Variants in ELL observed in about 807,000 individuals in gnomAD.
ELL encodes the protein elongation factor for RNA polymerase II.
A neutral mutation model predicts 64.0 loss-of-function variants in ELL; 18 were observed. The observed-to-expected ratio is 0.28, with a 90% CI of 0.19 to 0.42. The LOEUF (loss-of-function observed/expected upper bound fraction) is 0.42, where lower values mean the gene tolerates loss of function less well. Among genes scored for constraint, ELL ranks in the 10% least tolerant of loss-of-function variants. The probability of loss-of-function intolerance (pLI) is 1.00; values close to 1 mark genes in which losing one functional copy is unlikely to be tolerated. For synonymous variants in ELL, 399 were observed against 376.2 expected (o/e 1.06, Z -0.70); for missense variants, 797 against 870.4 (o/e 0.92, Z 1.06).
At chr19:18,466,108 G>A (rs969864036) in intron 2 of ELL, among the ~76,000 whole-genome samples, 190 bp from the exon 3 acceptor site, 10 of 152,212 alleles carry the variant, frequency 6.6e-5, no homozygotes, top group Non-Finnish European at 1.2e-4. Flanking sequence ...CACACACTGC[G>A]TAGAGAGGGG....
chr19:18,477,417 G>C (rs1419766694), intron 1 of ELL, among the ~76,000 whole-genome samples: 1 of 152,190 alleles, frequency 6.6e-6, no homozygotes, highest in Admixed American at 6.5e-5. Context: ...CGGGGGATCT[G>C]AGAAAAGAGT....
intron 1 of ELL, among the ~76,000 whole-genome samples, chr19:18,496,800 A>G (rs796869424): frequency 2.0e-5 from 3 of 152,358 alleles, no homozygotes; most frequent in African/African-American, 7.2e-5. Context: ...GGCAAACATC[A>G]CTTCAATAAT....
At chr19:18,469,931 G>A (rs566655963) in intron 2 of ELL, among the ~76,000 whole-genome samples, 3 of 152,228 alleles carry the variant, frequency 2.0e-5, no homozygotes, top group South Asian at 2.1e-4. Context: ...TCCAGGGGGC[G>A]TTCCGACAAC....
intron 1 of ELL, among the ~76,000 whole-genome samples, chr19:18,484,403 T>C (rs1359611824): frequency 6.6e-6 from 1 of 152,118 alleles, no homozygotes; most frequent in Admixed American, 6.6e-5. Context: ...AGGGGGAGGT[T>C]GCAGTGAGCC....
intron 5 of ELL, among the ~76,000 whole-genome samples, chr19:18,460,064 G>C (rs1173377551): frequency 6.6e-6 from 1 of 152,146 alleles, no homozygotes; most frequent in Non-Finnish European, 1.5e-5. Flanking sequence ...ATAGGCTTGC[G>C]GGTTTCCCTG....
At chr19:18,451,699 G>GC in intron 6 of ELL, 51 bp from the exon 7 acceptor site, 2 of 1,409,640 alleles carry the variant, frequency 1.4e-6, no homozygotes, top group Non-Finnish European at 9.2e-7. Flanking sequence ...GGGCCTAGGG[G>GC]CCCCAGGCCT....
intron 1 of ELL, among the ~76,000 whole-genome samples, chr19:18,485,689 G>A (rs922499693): frequency 2.0e-5 from 3 of 152,134 alleles, no homozygotes; most frequent in Non-Finnish European, 2.9e-5. Context: ...ACAGTCACTG[G>A]GAAAGCTACG....
chr19:18,513,116 G>A (rs1976061747), intron 1 of ELL, among the ~76,000 whole-genome samples: 1 of 152,164 alleles, frequency 6.6e-6, no homozygotes, highest in South Asian at 2.1e-4. Context: ...TGTCCAAAGA[G>A]GAGCAAGCCA....
chr19:18,509,944 T>A (rs2144975043), intron 1 of ELL, among the ~76,000 whole-genome samples: 1 of 152,322 alleles, frequency 6.6e-6, no homozygotes, highest in African/African-American at 2.4e-5. Flanking sequence ...TCTGCACCCA[T>A]CTGAGCTCTT....
In ELL at chr19:18,457,402, G is replaced by T. The variant is rs531459131; in HGVS notation, c.869+803C>A. On this transcript the variant is annotated intron_variant, in intron 6 of 11. Coordinates refer to ENST00000262809, the MANE Select transcript of ELL (RefSeq NM_006532.4). ...CTCCGCCAGCCTGCCGCCAAGCCAG[G>T]GCAGTGCCCCGCAGGCCCCTGACCT... is the stretch of plus-strand genomic sequence containing the variant. Among the ~76,000 whole-genome samples, 3 of 152,314 alleles carry T rather than the reference G, an allele frequency of 2.0e-5. No homozygotes were observed. In the East Asian group the frequency reaches 5.8e-4, roughly 29 times the overall value.
chr19:18,509,440 G>A lies in ELL; in HGVS notation c.135+12481C>T, dbSNP rs144300488. On this transcript the variant is annotated intron_variant, in intron 1 of 11. Transcript: ENST00000262809. The stretch of plus-strand genomic sequence containing the variant: ...GTTCCTGGTGGGGAGTCACCCTTCC[G>A]AAAGAAGGGCAATGTGATGGGGTGG... Among the ~76,000 whole-genome samples the A allele has an allele frequency of 2.8e-3, 422 of 152,202 alleles. 1 individual carries two copies. Among genetic ancestry groups the A allele is most frequent in the African/African-American group, 9.3e-3 (386 of 41,540 alleles).
At chr19:18,451,514 G>C (rs1974535461) in intron 7 of ELL, 38 bp downstream of exon 7, 1 of 1,432,280 alleles carries the variant, frequency 7.0e-7, no homozygotes, top group East Asian at 2.9e-5. Context: ...GTGCCCTGCA[G>C]GTGCTTGGGA....
Position 18,446,802 on chromosome 19 carries a change from G to A in ELL, c.1478C>T (p.Thr493Ile), listed in dbSNP as rs771174545. 1.2e-6 allele frequency: 2 copies of A among 1,614,120 alleles called. No individual in the cohort carries two copies. Among genetic ancestry groups the A allele is most frequent in the East Asian group, 2.2e-5 (1 of 44,888 alleles). The change falls in exon 9 of 12, where the codon ACC becomes ATC. Residue 493 changes from threonine to isoleucine, a missense_variant. Transcript: ENST00000262809. ...CGTGGGAACACTGGAAACGCTGCAG[G>A]TTCCGTTTAAACCTACGAGAGCAAA... is the stretch of plus-strand genomic sequence containing the variant. The part of the protein sequence containing the change: ...APADTPGLNG[T>I]CSVSSVPTST...
chr19:18,481,317 G>C (rs1460959246), intron 1 of ELL, among the ~76,000 whole-genome samples: 1 of 152,132 alleles, frequency 6.6e-6, no homozygotes, highest in Admixed American at 6.6e-5. Flanking sequence ...ACGGACTGGG[G>C]GCCAGAAGTC....
Position 18,472,865 on chromosome 19 carries a change from C to T in ELL, c.153G>A (p.Arg51=), listed in dbSNP as rs142137908. The part of the protein sequence containing the change: ...YRARQDSVSL[R]PSIRFQGSQG... Reference sequence around the variant, plus strand: ...GGCTTCCTTGAAATCGGATAGATGGCCTCAGTGAAACAGAATCCTATAAAA... The same window carrying T: ...GGCTTCCTTGAAATCGGATAGATGGTCTCAGTGAAACAGAATCCTATAAAA... The change falls in exon 2 of 12, where the codon AGG becomes AGA. Residue 51 remains arginine, a synonymous_variant. Coordinates refer to ENST00000262809, the MANE Select transcript of ELL (RefSeq NM_006532.4). The T allele has an allele frequency of 6.3e-7, 1 of 1,575,170 alleles. No homozygotes were observed. The highest frequency in any genetic ancestry group is 1.2e-5 in the South Asian group (1 of 86,830).
intron 1 of ELL, among the ~76,000 whole-genome samples, chr19:18,517,147 C>G (rs746884483): frequency 1.3e-5 from 2 of 152,180 alleles, no homozygotes; most frequent in Non-Finnish European, 2.9e-5. Context: ...GTGAGTAACA[C>G]TGTCCTGGAA....
intron 1 of ELL, among the ~76,000 whole-genome samples, chr19:18,505,781 C>G (rs1975873122): frequency 6.6e-6 from 1 of 152,154 alleles, no homozygotes; most frequent in African/African-American, 2.4e-5. Flanking sequence ...CAAAACACCC[C>G]ACGGACAGGA....
intron 1 of ELL, among the ~76,000 whole-genome samples, chr19:18,483,617 G>C (rs760319389): frequency 6.6e-6 from 1 of 152,200 alleles, no homozygotes; most frequent in East Asian, 1.9e-4. Flanking sequence ...AGGGCTGCCC[G>C]AGGTCACAGC....
intron 1 of ELL, among the ~76,000 whole-genome samples, chr19:18,491,248 A>C (rs1308167274): frequency 3.0e-5 from 3 of 100,100 alleles, no homozygotes; most frequent in Non-Finnish European, 5.8e-5. Context: ...ACACCTGGCT[A>C]ATTTTTTTTT....
Sources: allele counts gnomAD v4.1 joint callset (sites outside exome capture counted in the v4.1 genomes callset), GRCh38; gene constraint gnomAD v4.1.1; transcripts MANE v1.5; gene names NCBI Gene and HGNC (gene_info 2026-07-23, HGNC 2026-07-21).